Variants in LARGE1 observed in about 807,000 individuals in gnomAD.
LARGE1 encodes the protein LARGE xylosyl- and glucuronyltransferase 1.
LARGE1 carries 43 observed loss-of-function variants against 87.6 expected under a neutral mutation model. The ratio of observed to expected loss-of-function variants is 0.49; its 90% CI spans 0.38 to 0.63. The LOEUF is 0.63. Ranked by LOEUF, LARGE1 falls within the 30% of genes least tolerant of loss-of-function variation. The pLI is 0.00. For synonymous variants in LARGE1, 434 were observed against 394.6 expected, an observed-to-expected ratio of 1.10 and a Z score of -1.18; for missense variants, 802 against 1,000.2, an observed-to-expected ratio of 0.80 and a Z score of 2.67.
chr22:33,667,088 C>T (rs986759022), intron 2 of LARGE1, among the ~76,000 whole-genome samples: 1 of 152,228 alleles, frequency 6.6e-6, no homozygotes, highest in Non-Finnish European at 1.5e-5. Context: ...CACAATAAGC[C>T]TCTATAAGGG....
At chr22:33,268,429 CTTT>C (rs71320968), downstream of LARGE1, among the ~76,000 whole-genome samples, 4 of 132,954 alleles carry the variant, frequency 3.0e-5, no homozygotes, top group Admixed American at 7.4e-5. Context: ...TGTTAAAAAA[CTTT>C]TTTTTTTTTT....
At chr22:33,416,703 A>G (rs2066500721) in intron 7 of LARGE1, among the ~76,000 whole-genome samples, 1 of 152,000 alleles carries the variant, frequency 6.6e-6, no homozygotes, top group South Asian at 2.1e-4. Flanking sequence ...TCCTGGGTTC[A>G]GGCGATTTTC....
intron 1 of LARGE1, among the ~76,000 whole-genome samples, chr22:33,895,185 G>A (rs903342026): frequency 2.6e-5 from 4 of 152,238 alleles, no homozygotes; most frequent in African/African-American, 9.6e-5. Context: ...GAAGGCACAA[G>A]GAGGACAAAT....
chr22:33,165,798 A>G (rs1255462923), exon 12 of LARGE1: 4 of 152,218 alleles, frequency 2.6e-5, no homozygotes. Flanking sequence ...AATATATGAG[A>G]TGAATTTGAA....
chr22:33,357,327 A>C (rs1002703134), intron 9 of LARGE1, among the ~76,000 whole-genome samples: 1 of 152,154 alleles, frequency 6.6e-6, no homozygotes, highest in African/African-American at 2.4e-5. Context: ...AGAGCATGGA[A>C]TAACAGACAT....
chr22:33,214,726 T>G (rs1197368499), intron 11 of LARGE1, among the ~76,000 whole-genome samples: 2 of 152,222 alleles, frequency 1.3e-5, no homozygotes, highest in Non-Finnish European at 2.9e-5. Context: ...ATGCAGGATT[T>G]TCCTTCAGGT....
chr22:33,912,152 A>C (rs2065656630), intron 1 of LARGE1, among the ~76,000 whole-genome samples: 1 of 152,246 alleles, frequency 6.6e-6, no homozygotes, highest in African/African-American at 2.4e-5. Context: ...GACATCAGTC[A>C]AGAAGGCTCT....
At chr22:33,301,971 T>C (rs1204312789) in intron 12 of LARGE1, among the ~76,000 whole-genome samples, 1 of 151,880 alleles carries the variant, frequency 6.6e-6, no homozygotes, top group East Asian at 1.9e-4. Flanking sequence ...GCACAGGGAG[T>C]AGAGACCACA....
chr22:33,525,647 C>T (rs1376919594), intron 6 of LARGE1, among the ~76,000 whole-genome samples: 3 of 146,970 alleles, frequency 2.0e-5, no homozygotes, highest in Non-Finnish European at 3.0e-5. Flanking sequence ...CCCTATGTTT[C>T]CCCCCCAGCA....
At chr22:33,583,938 C>T (rs1161985528) in intron 5 of LARGE1, among the ~76,000 whole-genome samples, 1 of 152,182 alleles carries the variant, frequency 6.6e-6, no homozygotes, top group Non-Finnish European at 1.5e-5. Flanking sequence ...TATACTGATA[C>T]TGAAACCTCA....
chr22:33,598,112 AC>A (rs879846543), intron 5 of LARGE1, among the ~76,000 whole-genome samples: 1 of 152,216 alleles, frequency 6.6e-6, no homozygotes, highest in African/African-American at 2.4e-5. Flanking sequence ...TTGTCTAGAC[AC>A]AATGACAGTA....
intron 11 of LARGE1, among the ~76,000 whole-genome samples, chr22:33,214,589 C>T (rs1235899071): frequency 2.0e-5 from 3 of 152,030 alleles, no homozygotes; most frequent in African/African-American, 4.8e-5. Context: ...AATCTCCTGG[C>T]CCTTTACAAA....
intron 6 of LARGE1, among the ~76,000 whole-genome samples, chr22:33,458,836 A>G (rs2147991637): frequency 6.6e-6 from 1 of 152,316 alleles, no homozygotes; most frequent in East Asian, 1.9e-4. Flanking sequence ...GGCATTACAT[A>G]TGCTAAACAC....
At chr22:33,115,361 G>A in the LARGE1 span, among the ~76,000 whole-genome samples, 12 of 151,908 alleles carry the variant, frequency 7.9e-5, no homozygotes, top group African/African-American at 1.9e-4. Flanking sequence ...GATGGATCAC[G>A]AGGTCAGGAG....
intron 7 of LARGE1, among the ~76,000 whole-genome samples, chr22:33,408,274 A>T (rs2066175950): frequency 6.6e-6 from 1 of 151,922 alleles, no homozygotes; most frequent in African/African-American, 2.4e-5. Flanking sequence ...TTGAGCCACA[A>T]AGCCCAGCCA....
chr22:33,364,180 G>C (rs1163108181), intron 9 of LARGE1, among the ~76,000 whole-genome samples: 1 of 151,842 alleles, frequency 6.6e-6, no homozygotes, highest in Non-Finnish European at 1.5e-5. Flanking sequence ...TCAGCCTCCC[G>C]AGTAGCTGGG....
chr22:33,633,503 C>T (rs1422894960), intron 3 of LARGE1, among the ~76,000 whole-genome samples: 3 of 152,164 alleles, frequency 2.0e-5, no homozygotes, highest in Non-Finnish European at 2.9e-5. Flanking sequence ...GGAAAAAAAT[C>T]ATTGTCCCAA....
intron 2 of LARGE1, among the ~76,000 whole-genome samples, chr22:33,699,216 G>C (rs560947117): frequency 7.8e-4 from 119 of 152,344 alleles, no homozygotes; most frequent in Middle Eastern, 3.4e-3. Context: ...CATCCCTGAA[G>C]TCGAGAAAGT....
chr22:33,344,353 C>T (rs1056514863), intron 9 of LARGE1, among the ~76,000 whole-genome samples: 33 of 151,628 alleles, frequency 2.2e-4, no homozygotes, highest in African/African-American at 5.8e-4. Flanking sequence ...CACAAGAGAC[C>T]ATACTCTCTT....
Sources: gnomAD v4.1 joint callset for allele counts (sites outside exome capture counted in the v4.1 genomes callset) on GRCh38, gnomAD v4.1.1 for gene constraint, MANE v1.5 for transcripts, NCBI Gene and HGNC (gene_info 2026-07-23, HGNC 2026-07-21) for gene names.